Variants in XKR9 observed in about 807,000 individuals in gnomAD.
XKR9 encodes XK-related protein 9.
A neutral mutation model predicts 32.0 loss-of-function variants in XKR9; 32 were observed. The observed-to-expected ratio is 1.00, with a 90% CI of 0.76 to 1.34. XKR9 has a LOEUF of 1.34. Ranked by LOEUF, XKR9 falls within the 40% of genes most tolerant of loss-of-function variation. The pLI, the probability that XKR9 is intolerant of heterozygous loss-of-function variation, is 0.00. For missense variants in XKR9, 546 were observed against 429.7 expected (o/e 1.27, Z -2.39); for synonymous variants, 168 against 143.4 (o/e 1.17, Z -1.22).
the XKR9 span, among the ~76,000 whole-genome samples, chr8:71,036,504 C>T: frequency 1.3e-5 from 2 of 152,020 alleles, no homozygotes; most frequent in Non-Finnish European, 2.9e-5. Context: ...CATAATAGAA[C>T]TCAAAAACAT....
At chr8:70,982,703 G>C in the XKR9 span, among the ~76,000 whole-genome samples, 1 of 152,130 alleles carries the variant, frequency 6.6e-6, no homozygotes, top group African/African-American at 2.4e-5. Context: ...AGGGTCTGTG[G>C]ATTCTCTTGG....
chr8:70,765,343 GTGA>G (rs1295829027), intron 2 of XKR9, among the ~76,000 whole-genome samples: 1 of 152,200 alleles, frequency 6.6e-6, no homozygotes, highest in African/African-American at 2.4e-5. Context: ...CTAATGACCA[GTGA>G]TGATGAGCTT....
chr8:70,853,450 C>T, the XKR9 span, among the ~76,000 whole-genome samples: 1 of 151,414 alleles, frequency 6.6e-6, no homozygotes, highest in Non-Finnish European at 1.5e-5. Flanking sequence ...CTCATAAAAG[C>T]TAAAACTAAA....
chr8:70,874,948 C>A, the XKR9 span, among the ~76,000 whole-genome samples: 1 of 152,098 alleles, frequency 6.6e-6, no homozygotes, highest in Non-Finnish European at 1.5e-5. Context: ...GGTTGTTCTG[C>A]CTTCGGTCAC....
At chr8:70,676,236 G>T (rs183271141) in intron 2 of XKR9, among the ~76,000 whole-genome samples, 1 of 152,268 alleles carries the variant, frequency 6.6e-6, no homozygotes, top group Admixed American at 6.5e-5. Flanking sequence ...ACTCACTATC[G>T]TGAGGACAGC....
chr8:71,048,235 A>G, the XKR9 span, among the ~76,000 whole-genome samples: 1 of 152,214 alleles, frequency 6.6e-6, no homozygotes, highest in Admixed American at 6.5e-5. Context: ...AACTTAAGTA[A>G]TAAAACTACT....
chr8:70,791,979 G>A (rs140679199), downstream of XKR9, among the ~76,000 whole-genome samples: 50 of 152,158 alleles, frequency 3.3e-4, 1 homozygote, highest in Admixed American at 9.8e-4. Context: ...CTTTGGGCAC[G>A]TGTCTGTTTG....
chr8:70,932,773 C>G, the XKR9 span, among the ~76,000 whole-genome samples: 2 of 152,118 alleles, frequency 1.3e-5, no homozygotes, highest in Non-Finnish European at 2.9e-5. Context: ...ACATCAGTCC[C>G]TTTGGATTAG....
At chr8:70,993,063 C>T in the XKR9 span, among the ~76,000 whole-genome samples, 1 of 152,086 alleles carries the variant, frequency 6.6e-6, no homozygotes, top group African/African-American at 2.4e-5. Context: ...TTTTTTAGTC[C>T]TCCAATTGCC....
At chr8:70,713,772 G>A (rs1224234590) in intron 4 of XKR9, among the ~76,000 whole-genome samples, 1 of 152,114 alleles carries the variant, frequency 6.6e-6, no homozygotes, top group Non-Finnish European at 1.5e-5. Context: ...AAGCAAAGTT[G>A]GATGTGGGGT....
At chr8:70,846,250 C>G in the XKR9 span, among the ~76,000 whole-genome samples, 2 of 151,924 alleles carry the variant, frequency 1.3e-5, no homozygotes, top group African/African-American at 2.4e-5. Flanking sequence ...TCTAGACAAG[C>G]AGAAACTGAG....
At chr8:70,743,480 G>A (rs181355365) in intron 2 of XKR9, among the ~76,000 whole-genome samples, 47 of 152,220 alleles carry the variant, frequency 3.1e-4, no homozygotes, top group African/African-American at 8.9e-4. Flanking sequence ...TGGATGGTAT[G>A]AATGATACAT....
the XKR9 span, among the ~76,000 whole-genome samples, chr8:70,946,913 A>G: frequency 5.3e-5 from 8 of 152,322 alleles, 1 homozygote; most frequent in East Asian, 1.5e-3. Context: ...TTAATATGGA[A>G]TGGGTCCAGA....
At chr8:70,863,224 G>A in the XKR9 span, among the ~76,000 whole-genome samples, 4 of 151,980 alleles carry the variant, frequency 2.6e-5, no homozygotes, top group Non-Finnish European at 4.4e-5. Context: ...AAGGAGCAGC[G>A]GAAGGAGAAA....
chr8:70,958,015 C>A, the XKR9 span, among the ~76,000 whole-genome samples: 24 of 151,924 alleles, frequency 1.6e-4, no homozygotes, highest in Non-Finnish European at 1.5e-4. Flanking sequence ...CTTAAACTCT[C>A]GATCTCAGGT....
At chr8:71,005,904 G>T in the XKR9 span, among the ~76,000 whole-genome samples, 2 of 152,172 alleles carry the variant, frequency 1.3e-5, no homozygotes, top group African/African-American at 2.4e-5. Context: ...TTACATTTAG[G>T]ATTTTATTCA....
chr8:70,872,345 T>C, the XKR9 span, among the ~76,000 whole-genome samples: 1 of 152,148 alleles, frequency 6.6e-6, no homozygotes, highest in Non-Finnish European at 1.5e-5. Flanking sequence ...AGAGAGCTAA[T>C]AAAGCTGCAG....
chr8:70,709,619 C>G (rs560682882), intron 4 of XKR9, among the ~76,000 whole-genome samples: 2 of 152,062 alleles, frequency 1.3e-5, no homozygotes, highest in Non-Finnish European at 2.9e-5. Flanking sequence ...TATACAAGAT[C>G]GATGTACAAA....
the XKR9 span, among the ~76,000 whole-genome samples, chr8:70,988,805 AATAAAC>A: frequency 1.3e-5 from 2 of 152,224 alleles, no homozygotes; most frequent in African/African-American, 4.8e-5. Flanking sequence ...TCTCTATACC[AATAAAC>A]ATGAATCCCT....
Sources: allele counts gnomAD v4.1 joint callset (sites outside exome capture counted in the v4.1 genomes callset), GRCh38; gene constraint gnomAD v4.1.1; transcripts MANE v1.5; gene names NCBI Gene and HGNC (gene_info 2026-07-23, HGNC 2026-07-21).